Variants in ADORA2B observed in about 807,000 individuals in gnomAD.
ADORA2B encodes the protein adenosine A2b receptor.
ADORA2B carries 18 observed loss-of-function variants against 20.8 expected under a neutral mutation model. The ratio of observed to expected loss-of-function variants is 0.87; its 90% CI spans 0.60 to 1.29. The LOEUF is 1.29. ADORA2B is among the 50% of genes most tolerant of loss of function. The probability of loss-of-function intolerance (pLI) is 0.00; values close to 1 mark genes in which losing one functional copy is unlikely to be tolerated. For synonymous variants in ADORA2B, 179 were observed against 178.3 expected (o/e 1.00, Z -0.03); for missense variants, 441 against 422.7 (o/e 1.04, Z -0.38).
At chr17:15,871,969 G>T in the ADORA2B span, among the ~76,000 whole-genome samples, 3 of 152,186 alleles carry the variant, frequency 2.0e-5, no homozygotes, top group African/African-American at 7.2e-5. Flanking sequence ...ACTGACACAG[G>T]CTGCAGTATG....
chr17:15,855,975 C>T, the ADORA2B span, among the ~76,000 whole-genome samples: 1 of 151,988 alleles, frequency 6.6e-6, no homozygotes, highest in Non-Finnish European at 1.5e-5. Context: ...CTCTGGCAGC[C>T]ACCACTCTAC....
the ADORA2B span, among the ~76,000 whole-genome samples, chr17:15,878,184 T>TACACACACAC: frequency 2.4e-4 from 35 of 143,910 alleles, no homozygotes; most frequent in Non-Finnish European, 4.7e-4. Flanking sequence ...TGTGTGTGTA[T>TACACACACAC]ACACACACAC....
In ADORA2B at chr17:15,975,177, G is replaced by A. The variant is rs1970238546; in HGVS notation, c.834G>A (p.Leu278=). The change falls in exon 2 of 2, where the codon CTG becomes CTA. Residue 278 remains leucine (L), a synonymous_variant. Transcript: ENST00000304222. The part of the protein sequence containing the change: ...PKWAMNMAIL[L]SHANSVVNPI... ...GGGCAATGAATATGGCCATTCTTCT[G>A]TCACATGCCAATTCAGTTGTCAATC... 1 of 1,614,146 alleles carries A rather than the reference G, an allele frequency of 6.2e-7. No individual in the cohort carries two copies. Among genetic ancestry groups the A allele is most frequent in the Non-Finnish European group, 8.5e-7 (1 of 1,180,034 alleles).
At chr17:15,921,783 G>A in the ADORA2B span, among the ~76,000 whole-genome samples, 2 of 152,072 alleles carry the variant, frequency 1.3e-5, no homozygotes, top group Non-Finnish European at 2.9e-5. Context: ...TAGGGATCCA[G>A]GCACCTTTTA....
At chr17:15,919,804 T>C in the ADORA2B span, among the ~76,000 whole-genome samples, 6 of 152,156 alleles carry the variant, frequency 3.9e-5, no homozygotes, top group Admixed American at 1.3e-4. Context: ...CAGCTGGGTG[T>C]ACAGGATGGA....
At chr17:15,905,287 G>GA in the ADORA2B span, among the ~76,000 whole-genome samples, 2 of 150,578 alleles carry the variant, frequency 1.3e-5, no homozygotes, top group African/African-American at 2.4e-5. Flanking sequence ...TTGTTGTTGG[G>GA]GGGGGGTTGC....
the ADORA2B span, among the ~76,000 whole-genome samples, chr17:15,871,080 A>G: frequency 6.6e-6 from 1 of 152,312 alleles, no homozygotes; most frequent in East Asian, 1.9e-4. Context: ...CCTGATGGCC[A>G]TGTTTCTAGT....
chr17:15,908,549 A>G, the ADORA2B span: 2 of 177,380 alleles, frequency 1.1e-5, no homozygotes, highest in African/African-American at 4.7e-5. Context: ...AGGAGCTCAC[A>G]GCAAGGTCCT....
the ADORA2B span, among the ~76,000 whole-genome samples, chr17:15,880,797 T>A: frequency 6.6e-6 from 1 of 152,144 alleles, no homozygotes; most frequent in South Asian, 2.1e-4. Context: ...AGCGCCAGGG[T>A]TCCCCTGGAC....
chr17:15,879,682 C>T, the ADORA2B span, among the ~76,000 whole-genome samples: 8 of 148,856 alleles, frequency 5.4e-5, no homozygotes, highest in African/African-American at 1.0e-4. Flanking sequence ...GGACTACAGG[C>T]GCCCACCACC....
chr17:15,939,876 A>AG, the ADORA2B span, among the ~76,000 whole-genome samples: 1 of 151,642 alleles, frequency 6.6e-6, no homozygotes, highest in African/African-American at 2.4e-5. Context: ...AAAAAAAAAA[A>AG]AAAAAAGAAG....
At chr17:15,853,536 CTCTGTATAG>C in the ADORA2B span, among the ~76,000 whole-genome samples, 1 of 152,296 alleles carries the variant, frequency 6.6e-6, no homozygotes, top group South Asian at 2.1e-4. Context: ...CAGATTAGTG[CTCTGTATAG>C]TACTACTCTA....
chr17:15,919,959 G>C, the ADORA2B span, among the ~76,000 whole-genome samples: 7 of 152,204 alleles, frequency 4.6e-5, no homozygotes, highest in Non-Finnish European at 8.8e-5. Flanking sequence ...ATTAGCGTCA[G>C]CGTGAAATCC....
At chr17:15,905,736 A>G in the ADORA2B span, among the ~76,000 whole-genome samples, 1 of 150,710 alleles carries the variant, frequency 6.6e-6, no homozygotes, top group Non-Finnish European at 1.5e-5. Flanking sequence ...GCTCACCACA[A>G]CCTCCACCTC....
intron 1 of ADORA2B, among the ~76,000 whole-genome samples, chr17:15,964,486 G>C (rs1451796645): frequency 2.6e-5 from 4 of 151,376 alleles, no homozygotes; most frequent in Non-Finnish European, 5.9e-5. Context: ...GCAGGCGCCT[G>C]TAATCCCAGC....
At chr17:15,867,722 G>A in the ADORA2B span, among the ~76,000 whole-genome samples, 48 of 145,164 alleles carry the variant, frequency 3.3e-4, 1 homozygote, top group Middle Eastern at 3.8e-3. Flanking sequence ...GGTGAGGGGC[G>A]CCTCTGCCCG....
At chr17:15,967,032 G>T (rs1053870537) in intron 1 of ADORA2B, among the ~76,000 whole-genome samples, 2 of 152,214 alleles carry the variant, frequency 1.3e-5, no homozygotes, top group Admixed American at 6.5e-5. Flanking sequence ...AGGGTGTTCG[G>T]AGCACAGGGA....
At chr17:15,923,125 T>C in the ADORA2B span, among the ~76,000 whole-genome samples, 1 of 147,918 alleles carries the variant, frequency 6.8e-6, no homozygotes, top group Non-Finnish European at 1.5e-5. Flanking sequence ...CAGGTTCAAG[T>C]GGTTCTCGTG....
chr17:15,863,090 G>A, the ADORA2B span, among the ~76,000 whole-genome samples: 1 of 151,946 alleles, frequency 6.6e-6, no homozygotes, highest in Admixed American at 6.6e-5. Context: ...CTGTTTATGT[G>A]CGCGAGATTT....
Sources: allele counts gnomAD v4.1 joint callset (sites outside exome capture counted in the v4.1 genomes callset), GRCh38; gene constraint gnomAD v4.1.1; transcripts MANE v1.5; gene names NCBI Gene and HGNC (gene_info 2026-07-23, HGNC 2026-07-21).